Variants in FAR2 observed in about 807,000 individuals in gnomAD.
FAR2 encodes epididymis secretory protein Li 81.
A neutral mutation model predicts 56.0 loss-of-function variants in FAR2; 19 were observed. The ratio of observed to expected loss-of-function variants is 0.34; its 90% CI spans 0.24 to 0.50. The LOEUF (loss-of-function observed/expected upper bound fraction) is 0.50. Among genes scored for constraint, FAR2 ranks in the 20% least tolerant of loss-of-function variants. The probability of loss-of-function intolerance (pLI) is 0.98; values close to 1 mark genes in which losing one functional copy is unlikely to be tolerated. For missense variants in FAR2, 508 were observed against 642.2 expected, an observed-to-expected ratio of 0.79 and a Z score of 2.26; for synonymous variants, 219 against 218.8, an observed-to-expected ratio of 1.00 and a Z score of -0.01.
chr12:29,302,518 G>A (rs576085872), intron 4 of FAR2, among the ~76,000 whole-genome samples: 1 of 152,282 alleles, frequency 6.6e-6, no homozygotes, highest in African/African-American at 2.4e-5. Context: ...TCTTGGCAGC[G>A]CATGTGTTAC....
intron 1 of FAR2, among the ~76,000 whole-genome samples, chr12:29,231,183 C>A (rs1313271250): frequency 6.6e-6 from 1 of 152,112 alleles, no homozygotes; most frequent in Admixed American, 6.6e-5. Flanking sequence ...AGAGTGGATG[C>A]AGGAATATTT....
intron 9 of FAR2, 108 bp downstream of exon 9, chr12:29,317,120 T>G: frequency 8.6e-7 from 1 of 1,159,546 alleles, no homozygotes; most frequent in South Asian, 1.9e-5. Flanking sequence ...AACTGAATCT[T>G]ACCCATATAT....
intron 1 of FAR2, among the ~76,000 whole-genome samples, chr12:29,240,043 C>A (rs1948001694): frequency 6.6e-6 from 1 of 152,194 alleles, no homozygotes; most frequent in African/African-American, 2.4e-5. Context: ...GCCTTCACAT[C>A]TTCCATCGTT....
At chr12:29,179,264 A>G (rs1949969553) in intron 1 of FAR2, among the ~76,000 whole-genome samples, 1 of 152,148 alleles carries the variant, frequency 6.6e-6, no homozygotes, top group Non-Finnish European at 1.5e-5. Context: ...ATTGTGTGTG[A>G]CTCCTGATGT....
intron 2 of FAR2, 112 bp downstream of exon 2, chr12:29,270,750 G>A (rs1948604648): frequency 3.5e-6 from 3 of 859,738 alleles, no homozygotes; most frequent in Admixed American, 3.6e-5. Flanking sequence ...TACCTGCACA[G>A]GTAGAGGAAG....
intron 1 of FAR2, among the ~76,000 whole-genome samples, chr12:29,200,226 A>C (rs986145994): frequency 6.6e-6 from 1 of 152,184 alleles, no homozygotes; most frequent in Non-Finnish European, 1.5e-5. Context: ...TGAATTTATG[A>C]AGATTACAGT....
intron 1 of FAR2, among the ~76,000 whole-genome samples, chr12:29,245,722 A>G (rs7970390): frequency 0.39 from 59,037 of 151,902 alleles, 11,716 homozygotes; most frequent in African/African-American, 0.47. Flanking sequence ...TTATGCTGGC[A>G]TTGGATTTCC....
chr12:29,317,805 A>G (rs1949478548), intron 9 of FAR2: 1 of 152,654 alleles, frequency 6.6e-6, no homozygotes, highest in Non-Finnish European at 1.5e-5. Context: ...CATCATCCCA[A>G]TTTTACAAAT....
chr12:29,201,259 A>G (rs933883242), intron 1 of FAR2, among the ~76,000 whole-genome samples: 1 of 152,178 alleles, frequency 6.6e-6, no homozygotes, highest in African/African-American at 2.4e-5. Flanking sequence ...TTAGAATTAC[A>G]GTCTTTTCTT....
At chr12:29,310,367 G>T (rs1409041530) in intron 6 of FAR2, among the ~76,000 whole-genome samples, 1 of 152,120 alleles carries the variant, frequency 6.6e-6, no homozygotes, top group Non-Finnish European at 1.5e-5. Flanking sequence ...AAAGCACAAA[G>T]AATCAATTTC....
Position 29,307,771 on chromosome 12 carries a change from G to T in FAR2, c.659G>T (p.Arg220Met). Residue 220 changes from arginine (R) to methionine (M), a missense_variant, in exon 5 of 12, where the codon AGG becomes ATG. Coordinates refer to ENST00000536681, the MANE Select transcript of FAR2 (RefSeq NM_001271783.2). ...GAAATGGTGGTGCAGCAAGAGAGCA[G>T]GAACCTGAACATTGCCATCATAAGG... ...LGEMVVQQES[R>M]NLNIAIIRPS... 1 of 1,613,386 alleles carries T rather than the reference G, an allele frequency of 6.2e-7. No homozygotes were observed.
At chr12:29,176,318 C>T (rs901499355) in intron 1 of FAR2, among the ~76,000 whole-genome samples, 3 of 152,070 alleles carry the variant, frequency 2.0e-5, no homozygotes, top group Non-Finnish European at 2.9e-5. Flanking sequence ...TGTGCTTTGC[C>T]GTCATCAGAG....
chr12:29,197,820 T>C lies in FAR2; in HGVS notation c.-39+48413T>C, dbSNP rs529250663. ...ATGAAGTATTGTATCAGAGGCTCTGTTGATCATGGCTATCAAGCAAGTAGA... is the reference window on the plus strand; with the variant it reads ...ATGAAGTATTGTATCAGAGGCTCTGCTGATCATGGCTATCAAGCAAGTAGA... On this transcript the variant is annotated intron_variant, in intron 1 of 11. Coordinates refer to ENST00000536681, the MANE Select transcript of FAR2 (RefSeq NM_001271783.2). Among the ~76,000 whole-genome samples, 5 of 152,304 alleles carry C rather than the reference T, an allele frequency of 3.3e-5. No homozygotes were observed. The East Asian group carries it at 9.6e-4, about 29-fold the overall frequency.
chr12:29,177,838 A>AG (rs1035817579), intron 1 of FAR2, among the ~76,000 whole-genome samples: 2 of 151,372 alleles, frequency 1.3e-5, no homozygotes, highest in Admixed American at 6.6e-5. Flanking sequence ...TAAGCACAAA[A>AG]AAAACAAACA....
intron 1 of FAR2, among the ~76,000 whole-genome samples, chr12:29,172,769 AG>A (rs1412363838): frequency 6.6e-6 from 1 of 152,228 alleles, no homozygotes; most frequent in Non-Finnish European, 1.5e-5. Flanking sequence ...GGAAGGCAGA[AG>A]GATTTTCTTC....
Position 29,334,746 on chromosome 12 carries a change from G to C in FAR2, c.*952G>C, listed in dbSNP as rs1306996134. The C allele has an allele frequency of 2.0e-5, 3 of 152,072 alleles. No homozygotes were observed. The highest frequency in any genetic ancestry group is 4.8e-5 in the African/African-American group (2 of 41,410). The allele number at this position is 152,072 out of a possible 1,614,324, so 9.4% of individuals were successfully genotyped here. A position where few individuals can be genotyped will look rare whatever the true frequency, so the allele number is the denominator to read the frequency against. Reference sequence around the variant, plus strand: ...AGCTTTAGTCTTCTGGTATAAAGTGGGGAAGATTACACTTATGTGATCACC... The same window carrying C: ...AGCTTTAGTCTTCTGGTATAAAGTGCGGAAGATTACACTTATGTGATCACC... On this transcript the variant is annotated 3_prime_UTR_variant, in exon 12 of 12. Coordinates refer to ENST00000536681, the MANE Select transcript of FAR2 (RefSeq NM_001271783.2).
chr12:29,221,576 A>G, intron 1 of FAR2, among the ~76,000 whole-genome samples: 1 of 152,180 alleles, frequency 6.6e-6, no homozygotes, highest in Non-Finnish European at 1.5e-5. Context: ...TACCCCATCT[A>G]TTCGATTTCT....
chr12:29,253,338 T>TATATCTATATCTATCTAGATAGATATCG (rs1948261788), intron 1 of FAR2, among the ~76,000 whole-genome samples: 1 of 137,336 alleles, frequency 7.3e-6, no homozygotes. Context: ...GATAGATATC[T>TATATCTATATCTATCTAGATAGATATCG]ATATATCTAT....
chr12:29,307,904 G>C (rs1949279933), intron 5 of FAR2, 69 bp downstream of exon 5: 1 of 1,473,920 alleles, frequency 6.8e-7, no homozygotes, highest in East Asian at 2.3e-5. Flanking sequence ...ATTACTTTCT[G>C]ATGTCTTTCT....
Sources: gnomAD v4.1 joint callset for allele counts (sites outside exome capture counted in the v4.1 genomes callset) on GRCh38, gnomAD v4.1.1 for gene constraint, MANE v1.5 for transcripts, NCBI Gene and HGNC (gene_info 2026-07-23, HGNC 2026-07-21) for gene names.